The following TRIM33 variants were observed in gnomAD, a reference collection of about 807,000 sequenced individuals.
TRIM33 encodes the protein E3 ubiquitin-protein ligase TRIM33.
In TRIM33, 20 loss-of-function variants were observed where a neutral mutation model predicts 125.4. That is an observed-to-expected ratio of 0.16 (90% confidence interval 0.11 to 0.23). The LOEUF (loss-of-function observed/expected upper bound fraction) is 0.23. Ranked by LOEUF, TRIM33 falls within the 10% of genes least tolerant of loss-of-function variation. TRIM33 has a pLI of 1.00. For synonymous variants in TRIM33, 564 were observed against 513.9 expected (o/e 1.10, Z -1.32); for missense variants, 920 against 1,411.4 (o/e 0.65, Z 5.58).
At chr1:114,489,580 C>CA (rs1009563757) in intron 1 of TRIM33, among the ~76,000 whole-genome samples, 14 of 148,890 alleles carry the variant, frequency 9.4e-5, no homozygotes, top group African/African-American at 2.5e-4. Flanking sequence ...CCTGTCTCTA[C>CA]AAAAAAAAAT....
At chr1:114,430,676 T>G (rs1404954543) in intron 6 of TRIM33, 122 bp downstream of exon 6, 6 of 667,880 alleles carry the variant, frequency 9.0e-6, no homozygotes, top group Non-Finnish European at 1.6e-5. Flanking sequence ...TTAAAAACCT[T>G]ATTTTACGTT....
At chr1:114,471,387 G>A (rs1012157783) in intron 1 of TRIM33, among the ~76,000 whole-genome samples, 2 of 150,918 alleles carry the variant, frequency 1.3e-5, no homozygotes, top group African/African-American at 2.4e-5. Context: ...ACTGCAGTGA[G>A]CCAAGATCAT....
chr1:114,426,317 A>G (rs1366080312), intron 8 of TRIM33, among the ~76,000 whole-genome samples: 1 of 152,176 alleles, frequency 6.6e-6, no homozygotes, highest in Non-Finnish European at 1.5e-5. Flanking sequence ...GCTATAGAGT[A>G]AATATTTCAT....
chr1:114,458,213 A>G (rs768065545), intron 4 of TRIM33, among the ~76,000 whole-genome samples: 1 of 152,242 alleles, frequency 6.6e-6, no homozygotes, highest in Non-Finnish European at 1.5e-5. Context: ...GAATTACAGT[A>G]GGAGCCTAAA....
intron 1 of TRIM33, among the ~76,000 whole-genome samples, chr1:114,478,612 A>T (rs1651114380): frequency 6.6e-6 from 1 of 152,238 alleles, no homozygotes; most frequent in African/African-American, 2.4e-5. Context: ...TTAAAAGAAT[A>T]AAAAGGAACC....
At chr1:114,474,893 C>CAAA (rs555557038) in intron 1 of TRIM33, among the ~76,000 whole-genome samples, 1 of 120,778 alleles carries the variant, frequency 8.3e-6, no homozygotes. Context: ...AACTCTATCT[C>CAAA]AAAAAAAAAA....
chr1:114,499,889 A>G (rs11102804), intron 1 of TRIM33, among the ~76,000 whole-genome samples: 53,485 of 152,118 alleles, frequency 0.35, 10,078 homozygotes, highest in African/African-American at 0.46. Flanking sequence ...GGTCGGGCAC[A>G]GTGGCTCACA....
chr1:114,504,370 G>A (rs1652879673), intron 1 of TRIM33, among the ~76,000 whole-genome samples: 1 of 151,950 alleles, frequency 6.6e-6, no homozygotes. Context: ...GTTTCATCAT[G>A]TTACCTAGAC....
intron 4 of TRIM33, among the ~76,000 whole-genome samples, chr1:114,459,713 G>C (rs1305981050): frequency 7.3e-6 from 1 of 137,330 alleles, no homozygotes. Context: ...AGTCCAGCCT[G>C]AGCAACAGAG....
chr1:114,402,989 G>T lies in TRIM33; in HGVS notation c.2769-106C>A, dbSNP rs548890216. On this transcript the variant is annotated intron_variant, in intron 15 of 19. Coordinates refer to ENST00000358465, the MANE Select transcript of TRIM33 (RefSeq NM_015906.4). ...TGGTTTATTTTCTTAATAATTTTTT[G>T]AAAAAAGGGAGGTTTTATAGTTGTG... 5.3e-6 allele frequency: 6 copies of T among 1,135,570 alleles called. No homozygotes were observed. The African/African-American group carries it at 8.0e-5, about 15-fold the overall frequency. The allele number at this position is 1,135,570 out of a possible 1,614,324, so 70.3% of individuals were successfully genotyped here.
chr1:114,426,018 CCTAT>C (rs1647550556), intron 8 of TRIM33, among the ~76,000 whole-genome samples: 1 of 152,126 alleles, frequency 6.6e-6, no homozygotes, highest in Non-Finnish European at 1.5e-5. Context: ...TTAGAAGAGG[CCTAT>C]CTAATCAATC....
chr1:114,472,129 A>G (rs1052776496), intron 1 of TRIM33, among the ~76,000 whole-genome samples: 1 of 152,222 alleles, frequency 6.6e-6, no homozygotes, highest in Non-Finnish European at 1.5e-5. Flanking sequence ...GAATATATGA[A>G]TAAAATTTTT....
At position 114,496,128 on chromosome 1, in the gene TRIM33, C is replaced by T. The variant is rs531347300; in HGVS notation, c.526+14423G>A. Among the ~76,000 whole-genome samples the T allele has an allele frequency of 9.8e-5, 15 of 152,328 alleles. No homozygotes were observed. In the East Asian group the frequency reaches 2.9e-3, roughly 29 times the overall value. ...CACAGTAATACAGTGAAATGATTCT[C>T]AATACCTTACCCTCATATCTGCCCT... On this transcript the variant is annotated intron_variant, in intron 1 of 19. Transcript: ENST00000358465.
chr1:114,508,622 A>C (rs1317268091), intron 1 of TRIM33, among the ~76,000 whole-genome samples: 8 of 151,798 alleles, frequency 5.3e-5, no homozygotes. Flanking sequence ...CCTCACCCTC[A>C]CCCCAGCCCT....
chr1:114,459,714 A>G (rs1649840067), intron 4 of TRIM33, among the ~76,000 whole-genome samples: 1 of 137,412 alleles, frequency 7.3e-6, no homozygotes, highest in Non-Finnish European at 1.6e-5. Flanking sequence ...GTCCAGCCTG[A>G]GCAACAGAGT....
intron 6 of TRIM33, 74 bp from the exon 7 acceptor site, chr1:114,427,968 G>T: frequency 6.7e-7 from 1 of 1,483,986 alleles, no homozygotes. Context: ...AATGCAAATG[G>T]GCACAATACC....
At chr1:114,438,374 C>G (rs557609357) in intron 4 of TRIM33, among the ~76,000 whole-genome samples, 1 of 152,282 alleles carries the variant, frequency 6.6e-6, no homozygotes, top group South Asian at 2.1e-4. Context: ...TATTAGAAGT[C>G]TAATTCCACT....
At chr1:114,413,040 T>A (rs1167729396) in intron 11 of TRIM33, among the ~76,000 whole-genome samples, 11 of 152,268 alleles carry the variant, frequency 7.2e-5, no homozygotes, top group Non-Finnish European at 1.2e-4. Context: ...TATTTAATTT[T>A]AGCCATCCTA....
At position 114,405,227 on chromosome 1, in the gene TRIM33, C is replaced by T. The variant is rs1381390397; in HGVS notation, c.2768+183G>A. ...AAATCTACTCTTTAACATTAATGTA[C>T]TACTTAGATCTTAGATATTTTATTG... On this transcript the variant is annotated intron_variant, in intron 15 of 19. Coordinates refer to ENST00000358465, the MANE Select transcript of TRIM33 (RefSeq NM_015906.4). The T allele has an allele frequency of 7.9e-5, 44 of 556,402 alleles. No homozygotes were observed. In the East Asian group the frequency reaches 1.3e-3, roughly 16 times the overall value. The allele number at this position is 556,402 out of a possible 1,614,324, so 34.5% of individuals were successfully genotyped here.
Sources: gnomAD v4.1 joint callset for allele counts (sites outside exome capture counted in the v4.1 genomes callset) on GRCh38, gnomAD v4.1.1 for gene constraint, MANE v1.5 for transcripts, NCBI Gene and HGNC (gene_info 2026-07-23, HGNC 2026-07-21) for gene names.